The following HS6ST3 variants were observed in gnomAD, a reference collection of about 807,000 sequenced individuals.
HS6ST3 encodes heparan-sulfate 6-O-sulfotransferase 3.
In HS6ST3, 12 loss-of-function variants were observed where a neutral mutation model predicts 36.7. The ratio of observed to expected loss-of-function variants is 0.33; its 90% CI spans 0.21 to 0.53. The LOEUF (loss-of-function observed/expected upper bound fraction) is 0.53. HS6ST3 is among the 20% of genes least tolerant of loss of function. The pLI is 0.95. For missense variants in HS6ST3, 584 were observed against 640.9 expected (o/e 0.91, Z 0.96); for synonymous variants, 240 against 257.5 (o/e 0.93, Z 0.65).
At chr13:96,777,090 C>T (rs953638208) in intron 1 of HS6ST3, among the ~76,000 whole-genome samples, 1 of 152,134 alleles carries the variant, frequency 6.6e-6, no homozygotes, top group African/African-American at 2.4e-5. Context: ...ATGACAAAAA[C>T]CACATGATTA....
chr13:96,700,305 C>G (rs2021334), intron 1 of HS6ST3, among the ~76,000 whole-genome samples: 2,271 of 152,234 alleles, frequency 0.015, 53 homozygotes, highest in African/African-American at 0.051. Flanking sequence ...AAAACTATCA[C>G]ATCTCGTGAG....
chr13:96,684,156 A>G (rs1874698988), intron 1 of HS6ST3, among the ~76,000 whole-genome samples: 1 of 152,134 alleles, frequency 6.6e-6, no homozygotes, highest in Non-Finnish European at 1.5e-5. Context: ...AAAACATTCT[A>G]CATTTTCTAC....
intron 1 of HS6ST3, among the ~76,000 whole-genome samples, chr13:96,261,326 G>A (rs1337173253): frequency 6.7e-6 from 1 of 149,784 alleles, no homozygotes; most frequent in Non-Finnish European, 1.5e-5. Context: ...ATATATATAT[G>A]TATATATGTA....
At chr13:96,161,863 G>A (rs2054137351) in intron 1 of HS6ST3, among the ~76,000 whole-genome samples, 1 of 152,134 alleles carries the variant, frequency 6.6e-6, no homozygotes, top group Admixed American at 6.5e-5. Flanking sequence ...TCATGAAAGA[G>A]ATCACCATTA....
At chr13:96,723,192 A>G (rs1274384481) in intron 1 of HS6ST3, among the ~76,000 whole-genome samples, 1 of 152,082 alleles carries the variant, frequency 6.6e-6, no homozygotes, top group Non-Finnish European at 1.5e-5. Context: ...CATGATACGA[A>G]ATTATGGCCA....
chr13:96,529,150 A>G (rs1159394735), intron 1 of HS6ST3, among the ~76,000 whole-genome samples: 1 of 152,178 alleles, frequency 6.6e-6, no homozygotes, highest in African/African-American at 2.4e-5. Flanking sequence ...GAATTTAAGG[A>G]GTCCTTGAAG....
intron 1 of HS6ST3, among the ~76,000 whole-genome samples, chr13:96,709,647 A>G (rs1875514131): frequency 6.6e-6 from 1 of 152,134 alleles, no homozygotes; most frequent in South Asian, 2.1e-4. Flanking sequence ...CTGTCTATAA[A>G]TCGGAAGGAG....
chr13:96,566,668 A>C (rs979072278), intron 1 of HS6ST3, among the ~76,000 whole-genome samples: 1 of 152,154 alleles, frequency 6.6e-6, no homozygotes, highest in Non-Finnish European at 1.5e-5. Flanking sequence ...AAAACTAGAC[A>C]TAATTGTAGG....
intron 1 of HS6ST3, among the ~76,000 whole-genome samples, chr13:96,382,849 C>G (rs187031407): frequency 2.6e-5 from 4 of 152,308 alleles, no homozygotes; most frequent in East Asian, 3.9e-4. Flanking sequence ...TTTCCTCACT[C>G]TAAGCCTAAC....
At chr13:96,566,234 G>T (rs183471770) in intron 1 of HS6ST3, among the ~76,000 whole-genome samples, 1 of 152,000 alleles carries the variant, frequency 6.6e-6, no homozygotes, top group African/African-American at 2.4e-5. Context: ...CTAACATTCG[G>T]TTGATAGAAG....
intron 1 of HS6ST3, among the ~76,000 whole-genome samples, chr13:96,260,853 TG>T (rs1380811243): frequency 6.6e-6 from 1 of 152,102 alleles, no homozygotes; most frequent in African/African-American, 2.4e-5. Flanking sequence ...TTGGCCAGGC[TG>T]GTCGCGAACT....
chr13:96,347,061 G>A (rs2055159570), intron 1 of HS6ST3, among the ~76,000 whole-genome samples: 1 of 152,146 alleles, frequency 6.6e-6, no homozygotes, highest in Non-Finnish European at 1.5e-5. Flanking sequence ...GTCTTTCCTT[G>A]GTTGAGGCTA....
Position 96,520,044 on chromosome 13 carries a change from G to A in HS6ST3, c.708-312446G>A, listed in dbSNP as rs188048435. 2.6e-5 allele frequency among the ~76,000 whole-genome samples: 4 copies of A among 152,112 alleles called. No individual in the cohort carries two copies. The East Asian group carries it at 7.7e-4, about 29-fold the overall frequency. On this transcript the variant is annotated intron_variant, in intron 1 of 1. Coordinates refer to ENST00000376705, the MANE Select transcript of HS6ST3 (RefSeq NM_153456.4). ...CAAACTATTTGAACCTCTGTTCCTTGTTCCATCAAGTTTAGACAATATTTT... is the reference window on the plus strand; with the variant it reads ...CAAACTATTTGAACCTCTGTTCCTTATTCCATCAAGTTTAGACAATATTTT...
chr13:96,662,515 GGTGTGTGTGTGTGTGT>G (rs144795600), intron 1 of HS6ST3, among the ~76,000 whole-genome samples: 4 of 147,776 alleles, frequency 2.7e-5, no homozygotes, highest in Non-Finnish European at 4.5e-5. Flanking sequence ...GTGTGTATGG[GGTGTGTGTGTGTGTGT>G]GTGTGTGTGT....
intron 1 of HS6ST3, among the ~76,000 whole-genome samples, chr13:96,303,285 CTT>C (rs1036496105): frequency 6.6e-6 from 1 of 152,162 alleles, no homozygotes; most frequent in Non-Finnish European, 1.5e-5. Context: ...CAAGTTGACT[CTT>C]TTGCTGAAGA....
intron 1 of HS6ST3, among the ~76,000 whole-genome samples, chr13:96,491,897 C>T (rs912984474): frequency 6.6e-6 from 1 of 152,008 alleles, no homozygotes; most frequent in Admixed American, 6.6e-5. Context: ...TATTTTCCAC[C>T]CAGAGAATGA....
chr13:96,097,550 A>G (rs1310410752), intron 1 of HS6ST3, among the ~76,000 whole-genome samples: 1 of 152,014 alleles, frequency 6.6e-6, no homozygotes, highest in African/African-American at 2.4e-5. Flanking sequence ...TAGATTGTGG[A>G]TATCATTTAT....
chr13:96,665,757 C>T (rs369259207), intron 1 of HS6ST3, among the ~76,000 whole-genome samples: 2 of 152,074 alleles, frequency 1.3e-5, no homozygotes, highest in East Asian at 1.9e-4. Flanking sequence ...CTGAAGATCC[C>T]AGAGTACAAT....
intron 1 of HS6ST3, among the ~76,000 whole-genome samples, chr13:96,135,138 A>G (rs770752870): frequency 3.3e-5 from 5 of 152,074 alleles, no homozygotes; most frequent in Non-Finnish European, 7.4e-5. Context: ...ATGCTCCTGA[A>G]ATCTGTTCTA....
Sources: allele counts gnomAD v4.1 joint callset (sites outside exome capture counted in the v4.1 genomes callset), GRCh38; gene constraint gnomAD v4.1.1; transcripts MANE v1.5; gene names NCBI Gene and HGNC (gene_info 2026-07-23, HGNC 2026-07-21).